ADCY5: variants seen among roughly 807,000 people sequenced by gnomAD.
ADCY5 encodes adenylate cyclase type 5.
ADCY5 carries 30 observed loss-of-function variants against 119.7 expected under a neutral mutation model. The ratio of observed to expected loss-of-function variants is 0.25; its 90% CI spans 0.19 to 0.34. The LOEUF (loss-of-function observed/expected upper bound fraction) is 0.34. Among genes scored for constraint, ADCY5 ranks in the 10% least tolerant of loss-of-function variants. The pLI, the probability that ADCY5 is intolerant of heterozygous loss-of-function variation, is 1.00. For synonymous variants in ADCY5, 753 were observed against 762.2 expected, an observed-to-expected ratio of 0.99 and a Z score of 0.20; for missense variants, 1,324 against 1,775.2, an observed-to-expected ratio of 0.75 and a Z score of 4.57.
Position 123,314,286 on chromosome 3 carries a change from G to A in ADCY5, c.2391C>T (p.Ser797=), listed in dbSNP as rs1940768010. 6.2e-7 allele frequency: 1 copy of A among 1,613,794 alleles called. No individual in the cohort carries two copies. The highest frequency in any genetic ancestry group is 1.1e-5 in the South Asian group (1 of 91,040). The change falls in exon 12 of 21, where the codon TCC becomes TCT. Residue 797 remains serine, a synonymous_variant. Coordinates refer to ENST00000462833, the MANE Select transcript of ADCY5 (RefSeq NM_183357.3). ...CAAACACCACCAAGGTCAGCAGCAG[G>A]GAACAGGTCAGGTAGAAGCTGAGCA... The part of the protein sequence containing the change: ...IFMLSFYLTC[S]LLLTLVVFVS...
At chr3:123,287,277 A>G (rs959270319) in intron 19 of ADCY5, among the ~76,000 whole-genome samples, 2 of 152,066 alleles carry the variant, frequency 1.3e-5, no homozygotes, top group Non-Finnish European at 2.9e-5. Context: ...GGGCAGGCAC[A>G]CTGCAGCAAC....
chr3:123,432,488 G>A (rs536092985), intron 1 of ADCY5, among the ~76,000 whole-genome samples: 16 of 152,212 alleles, frequency 1.1e-4, no homozygotes, highest in African/African-American at 3.9e-4. Context: ...ATCCTAGAAA[G>A]GGAGAGGAGA....
chr3:123,338,035 G>A (rs566869686), intron 3 of ADCY5, among the ~76,000 whole-genome samples: 79 of 152,328 alleles, frequency 5.2e-4, no homozygotes, highest in African/African-American at 1.9e-3. Context: ...TGGCTGAACA[G>A]GTACCAGGGA....
chr3:123,446,719 G>C (rs1945821998), intron 1 of ADCY5, among the ~76,000 whole-genome samples: 1 of 152,178 alleles, frequency 6.6e-6, no homozygotes. Context: ...GCACCCACTT[G>C]AAGGGGTCAT....
Position 123,440,363 on chromosome 3 carries a change from T to C in ADCY5, c.1134+7049A>G, listed in dbSNP as rs370593842. On this transcript the variant is annotated intron_variant, in intron 1 of 20. Coordinates refer to ENST00000462833, the MANE Select transcript of ADCY5 (RefSeq NM_183357.3). ...ATAACCCGACCAGAGCAAGAGGTAG[T>C]GGGCAGGGAGGGGGGCCTATTACAG... Among the ~76,000 whole-genome samples, 25 of 152,282 alleles carry C rather than the reference T, an allele frequency of 1.6e-4. No individual in the cohort carries two copies. The South Asian group carries it at 1.9e-3, about 11-fold the overall frequency.
intron 4 of ADCY5, among the ~76,000 whole-genome samples, chr3:123,331,714 G>GA (rs1941771383): frequency 6.6e-6 from 1 of 151,954 alleles, no homozygotes; most frequent in African/African-American, 2.4e-5. Context: ...GGCTCCCAAA[G>GA]ATAGTTGAGA....
chr3:123,320,875 A>G, intron 8 of ADCY5, 104 bp from the exon 9 acceptor site: 1 of 808,210 alleles, frequency 1.2e-6, no homozygotes, highest in South Asian at 1.5e-5. Flanking sequence ...CAGTCTCCCA[A>G]AGGACGTGGA....
intron 17 of ADCY5, among the ~76,000 whole-genome samples, chr3:123,292,020 T>C (rs1265282775): frequency 6.6e-6 from 1 of 152,148 alleles, no homozygotes; most frequent in Non-Finnish European, 1.5e-5. Flanking sequence ...CCTGGGTCTA[T>C]GGGATTTTTT....
intron 1 of ADCY5, among the ~76,000 whole-genome samples, chr3:123,385,562 C>T (rs1026777185): frequency 6.6e-6 from 1 of 152,072 alleles, no homozygotes; most frequent in African/African-American, 2.4e-5. Flanking sequence ...GAGAGGAAAC[C>T]CACCAAAGTT....
At chr3:123,288,494 A>G (rs551246232) in intron 19 of ADCY5, among the ~76,000 whole-genome samples, 1 of 152,298 alleles carries the variant, frequency 6.6e-6, no homozygotes, top group Admixed American at 6.5e-5. Flanking sequence ...TCAGCTTTCT[A>G]TTGCAAAACT....
intron 1 of ADCY5, among the ~76,000 whole-genome samples, chr3:123,379,872 T>C (rs953849540): frequency 5.3e-5 from 8 of 152,182 alleles, no homozygotes; most frequent in Non-Finnish European, 7.3e-5. Flanking sequence ...AGGTTTCTAA[T>C]CAAGCCTACT....
At chr3:123,367,990 T>G (rs192573465) in intron 1 of ADCY5, 8 of 1,514,156 alleles carry the variant, frequency 5.3e-6, no homozygotes, top group Non-Finnish European at 4.4e-6. Context: ...GGCTGCCCTG[T>G]GGGGATGGAG....
At chr3:123,309,484 C>G (rs899844208) in intron 12 of ADCY5, among the ~76,000 whole-genome samples, 4 of 152,192 alleles carry the variant, frequency 2.6e-5, no homozygotes, top group Non-Finnish European at 5.9e-5. Context: ...TAAATCCTAG[C>G]AGTAACCACT....
intron 1 of ADCY5, among the ~76,000 whole-genome samples, chr3:123,412,933 A>T (rs1220825694): frequency 6.6e-6 from 1 of 152,168 alleles, no homozygotes; most frequent in Admixed American, 6.5e-5. Flanking sequence ...CCCGGCACAG[A>T]TGCCCAGCAC....
chr3:123,331,672 C>G (rs538220408), intron 4 of ADCY5, among the ~76,000 whole-genome samples: 24 of 152,264 alleles, frequency 1.6e-4, no homozygotes, highest in African/African-American at 5.8e-4. Context: ...GATAGAATAT[C>G]AGTAATCATC....
chr3:123,445,277 G>T (rs932565291), intron 1 of ADCY5, among the ~76,000 whole-genome samples: 7 of 152,200 alleles, frequency 4.6e-5, no homozygotes, highest in African/African-American at 1.7e-4. Flanking sequence ...ACCAGAAGGA[G>T]AAGTCAGTCA....
intron 1 of ADCY5, among the ~76,000 whole-genome samples, chr3:123,368,903 A>T (rs768505890): frequency 2.6e-5 from 4 of 152,222 alleles, no homozygotes; most frequent in Admixed American, 6.5e-5. Flanking sequence ...GCTGCAGGGT[A>T]CCTTTAAGGC....
chr3:123,314,645 T>C (rs1350779727), intron 11 of ADCY5, among the ~76,000 whole-genome samples: 1 of 152,228 alleles, frequency 6.6e-6, no homozygotes, highest in Admixed American at 6.5e-5. Flanking sequence ...TGACACCTGA[T>C]AGGTATTTTG....
intron 1 of ADCY5, among the ~76,000 whole-genome samples, chr3:123,396,186 A>AGAAGGAAG (rs200127564): frequency 7.3e-6 from 1 of 136,310 alleles, no homozygotes; most frequent in African/African-American, 2.7e-5. Flanking sequence ...GAGGGAGGGA[A>AGAAGGAAG]GAAGGAAGGA....
Sources: gnomAD v4.1 joint callset for allele counts (sites outside exome capture counted in the v4.1 genomes callset) on GRCh38, gnomAD v4.1.1 for gene constraint, MANE v1.5 for transcripts, NCBI Gene and HGNC (gene_info 2026-07-23, HGNC 2026-07-21) for gene names.